Variants in CNTN6 observed in about 807,000 individuals in gnomAD.
CNTN6 encodes contactin 6.
A neutral mutation model predicts 122.8 loss-of-function variants in CNTN6; 137 were observed. The observed-to-expected ratio is 1.12, with a 90% CI of 0.97 to 1.29. CNTN6 has a LOEUF of 1.29. Among genes scored for constraint, CNTN6 ranks in the 50% most tolerant of loss-of-function variants. CNTN6 has a pLI of 0.00. For missense variants in CNTN6, 1,634 were observed against 1,223.4 expected (o/e 1.34, Z -5.01); for synonymous variants, 570 against 426.0 (o/e 1.34, Z -4.16).
chr3:1,205,180 C>T (rs560110474), intron 2 of CNTN6, among the ~76,000 whole-genome samples: 1 of 152,006 alleles, frequency 6.6e-6, no homozygotes, highest in African/African-American at 2.4e-5. Flanking sequence ...CTCTAGAAGT[C>T]GTATAAGGCA....
At position 1,352,390 on chromosome 3, in the gene CNTN6, T is replaced by C. The variant is rs747000015; in HGVS notation, c.1431T>C (p.Tyr477=). The change falls in exon 12 of 23, where the codon TAT becomes TAC. Residue 477 remains tyrosine, a synonymous_variant. Coordinates refer to ENST00000446702, the MANE Select transcript of CNTN6 (RefSeq NM_001289080.2). ...TTACCAGGTCAGATGCTGGATCATA[T>C]ACATGCATAGCCACAAATCAGTTTG... is the stretch of plus-strand genomic sequence containing the variant. ...YNITRSDAGS[Y]TCIATNQFGT... is the part of the protein sequence containing the mutation. The C allele has an allele frequency of 3.1e-6, 5 of 1,607,102 alleles. No individual in the cohort carries two copies. Among genetic ancestry groups the C allele is most frequent in the Non-Finnish European group, 3.4e-6 (4 of 1,175,464 alleles).
intron 4 of CNTN6, among the ~76,000 whole-genome samples, chr3:1,264,476 G>A (rs2094896027): frequency 6.6e-6 from 1 of 152,062 alleles, no homozygotes. Flanking sequence ...GAGGTTGAGT[G>A]GTTGATGTCA....
intron 1 of CNTN6, among the ~76,000 whole-genome samples, chr3:1,140,868 A>C (rs576333394): frequency 6.6e-6 from 1 of 152,334 alleles, no homozygotes; most frequent in East Asian, 1.9e-4. Flanking sequence ...TCTTTCTACT[A>C]ATCTATCATC....
chr3:1,330,006 T>C lies in CNTN6; in HGVS notation c.1364+71T>C, dbSNP rs552727917. ...CATCTTCCAAATTTTTAGGTTTTAG[T>C]AGGCCTTTCAAAATTTCCTCTTTTA... On this transcript the variant is annotated intron_variant, in intron 11 of 22. Transcript: ENST00000446702. 82 of 1,213,304 alleles carry C rather than the reference T, an allele frequency of 6.8e-5. No homozygotes were observed. The African/African-American group carries it at 1.1e-3, about 17-fold the overall frequency. The allele number at this position is 1,213,304 out of a possible 1,614,324, so 75.2% of individuals were successfully genotyped here.
intron 20 of CNTN6, among the ~76,000 whole-genome samples, chr3:1,392,067 T>C (rs1244595983): frequency 5.3e-5 from 8 of 152,154 alleles, no homozygotes; most frequent in African/African-American, 1.9e-4. Context: ...TTAAAGTTCA[T>C]ATGGAACCAA....
At chr3:1,278,238 C>G (rs902521668) in intron 4 of CNTN6, among the ~76,000 whole-genome samples, 175 bp from the exon 5 acceptor site, 1 of 152,158 alleles carries the variant, frequency 6.6e-6, no homozygotes, top group African/African-American at 2.4e-5. Context: ...GAAAGAAACA[C>G]AAGATTTTGC....
At chr3:1,264,542 C>G (rs929691546) in intron 4 of CNTN6, among the ~76,000 whole-genome samples, 2 of 151,868 alleles carry the variant, frequency 1.3e-5, no homozygotes, top group Non-Finnish European at 2.9e-5. Context: ...CTTAAACCAG[C>G]TTCATCTGTA....
chr3:1,122,622 GC>G (rs1348439851), intron 1 of CNTN6, among the ~76,000 whole-genome samples: 1 of 151,546 alleles, frequency 6.6e-6, no homozygotes, highest in Non-Finnish European at 1.5e-5. Flanking sequence ...CACTTTCCAG[GC>G]CGCAACAACT....
intron 11 of CNTN6, among the ~76,000 whole-genome samples, chr3:1,344,367 C>T (rs1170115144): frequency 6.6e-6 from 1 of 152,108 alleles, no homozygotes; most frequent in Non-Finnish European, 1.5e-5. Flanking sequence ...TATAGAGAAA[C>T]CACTTGGGAA....
At chr3:1,182,704 A>G (rs1253129330) in intron 2 of CNTN6, among the ~76,000 whole-genome samples, 2 of 152,124 alleles carry the variant, frequency 1.3e-5, no homozygotes, top group African/African-American at 4.8e-5. Context: ...AAAGAACAGA[A>G]AATTGATGAA....
intron 3 of CNTN6, among the ~76,000 whole-genome samples, chr3:1,226,314 A>C (rs2094283072): frequency 6.6e-6 from 1 of 152,320 alleles, no homozygotes; most frequent in South Asian, 2.1e-4. Flanking sequence ...CAGTTTGGAA[A>C]CTGGCTATAT....
chr3:1,230,174 G>GCT (rs2094336503), intron 4 of CNTN6, among the ~76,000 whole-genome samples: 1 of 152,162 alleles, frequency 6.6e-6, no homozygotes, highest in Non-Finnish European at 1.5e-5. Context: ...AAAGGCCTTT[G>GCT]GTAGGATAAC....
At chr3:1,336,574 T>C (rs923131846) in intron 11 of CNTN6, among the ~76,000 whole-genome samples, 2 of 152,150 alleles carry the variant, frequency 1.3e-5, no homozygotes, top group Non-Finnish European at 2.9e-5. Context: ...ACTCCAAGTA[T>C]ATATATTTGC....
At chr3:1,139,021 G>C (rs2092550090) in intron 1 of CNTN6, among the ~76,000 whole-genome samples, 1 of 151,920 alleles carries the variant, frequency 6.6e-6, no homozygotes, top group African/African-American at 2.4e-5. Flanking sequence ...CTTCTCTCTA[G>C]GCCAACCTTT....
chr3:1,150,720 G>C (rs946697922), intron 2 of CNTN6, among the ~76,000 whole-genome samples: 2 of 152,136 alleles, frequency 1.3e-5, no homozygotes, highest in Non-Finnish European at 2.9e-5. Context: ...GGCCCCAAAA[G>C]ATATCTAGGT....
chr3:1,303,228 C>T (rs1697735634), intron 7 of CNTN6, among the ~76,000 whole-genome samples: 2 of 148,818 alleles, frequency 1.3e-5, no homozygotes, highest in African/African-American at 5.0e-5. Flanking sequence ...GATAACTGTT[C>T]AATTTTAAAT....
At position 1,124,815 on chromosome 3, in the gene CNTN6, C is replaced by G. The variant is rs2092100624; in HGVS notation, c.-82-23112C>G. Among the ~76,000 whole-genome samples, 11 of 151,828 alleles carry G rather than the reference C, an allele frequency of 7.2e-5. No homozygotes were observed. The South Asian group carries it at 2.3e-3, about 31-fold the overall frequency. Reference sequence around the variant, plus strand: ...GAAGATTTTCTGACTTTCCTTAGACCAAATGAGTTACTTGTGCTGCATTTT... The same window carrying G: ...GAAGATTTTCTGACTTTCCTTAGACGAAATGAGTTACTTGTGCTGCATTTT... On this transcript the variant is annotated intron_variant, in intron 1 of 22. Transcript: ENST00000446702.
chr3:1,399,721 T>C (rs1331950459), intron 20 of CNTN6, among the ~76,000 whole-genome samples: 3 of 152,236 alleles, frequency 2.0e-5, no homozygotes, highest in Admixed American at 2.0e-4. Flanking sequence ...AGCCACCTTA[T>C]TGTACAGTCA....
intron 1 of CNTN6, among the ~76,000 whole-genome samples, chr3:1,135,438 T>A (rs2092447782): frequency 6.6e-6 from 1 of 152,124 alleles, no homozygotes; most frequent in South Asian, 2.1e-4. Context: ...AGAAACAGAA[T>A]GGAATCAGTG....
Sources: gnomAD v4.1 joint callset for allele counts (sites outside exome capture counted in the v4.1 genomes callset) on GRCh38, gnomAD v4.1.1 for gene constraint, MANE v1.5 for transcripts, NCBI Gene and HGNC (gene_info 2026-07-23, HGNC 2026-07-21) for gene names.